The following OPHN1 variants were observed in gnomAD, a reference collection of about 807,000 sequenced individuals.
The protein encoded by OPHN1 is oligophrenin 1.
A neutral mutation model predicts 60.7 loss-of-function variants in OPHN1; 11 were observed. The observed-to-expected ratio is 0.18, with a 90% CI of 0.11 to 0.30. The LOEUF (loss-of-function observed/expected upper bound fraction) is 0.30. Among genes scored for constraint, OPHN1 ranks in the 10% least tolerant of loss-of-function variants. The probability of loss-of-function intolerance (pLI) is 1.00; values close to 1 mark genes in which losing one functional copy is unlikely to be tolerated. For synonymous variants in OPHN1, 226 were observed against 222.6 expected (o/e 1.02, Z -0.14); for missense variants, 449 against 611.0 (o/e 0.73, Z 2.80).
rs1346187459 is a variant in OPHN1 at position 68,044,339 on chromosome X, G to A, written c.*2833C>T. 2 of 112,435 alleles carry A rather than the reference G, an allele frequency of 1.8e-5. No individual in the cohort carries two copies. Among genetic ancestry groups the A allele is most frequent in the Non-Finnish European group, 3.8e-5 (2 of 53,280 alleles). The allele number at this position is 112,435 out of a possible 1,213,427, so 9.3% of individuals were successfully genotyped here. ...CAGTCCTTTTATTTACTTTCTATGT[G>A]CCCTTGAGTTGTTTACTTTAGCCCC... On this transcript the variant is annotated 3_prime_UTR_variant, in exon 25 of 25. Transcript: ENST00000355520.
At position 68,431,930 on chromosome X, in the gene OPHN1, T is replaced by A. The variant is rs183706714; in HGVS notation, c.154+937A>T. 3.6e-5 allele frequency among the ~76,000 whole-genome samples: 4 copies of A among 111,315 alleles called. No individual in the cohort carries two copies. The East Asian group carries it at 1.1e-3, about 32-fold the overall frequency. ...TTCAGCCAAGAGAAAAAATTAATTA[T>A]CACTCCACCCAATCATTACCCTCCA... On this transcript the variant is annotated intron_variant, in intron 2 of 24. Transcript: ENST00000355520.
intron 15 of OPHN1, among the ~76,000 whole-genome samples, chrX:68,136,305 T>G (rs1409148644): frequency 2.3e-5 from 2 of 86,581 alleles, no homozygotes; most frequent in East Asian, 3.2e-4. Flanking sequence ...TTTTTTTTTT[T>G]TTTTTTTTTT....
intron 2 of OPHN1, among the ~76,000 whole-genome samples, chrX:68,371,683 C>T (rs962095974): frequency 4.5e-5 from 5 of 112,143 alleles, no homozygotes; most frequent in African/African-American, 1.3e-4. Flanking sequence ...TGTGTCAATA[C>T]ACAAAACAAC....
Position 68,299,063 on chromosome X carries a change from G to A in OPHN1, c.188C>T (p.Thr63Met). Residue 63 changes from threonine (T) to methionine (M), a missense_variant, in exon 3 of 25, where the codon ACG becomes ATG. This residue lies in a region of OPHN1 where 99 missense variants were observed against 155.2 expected (regional missense o/e 0.64). Coordinates refer to ENST00000355520, the MANE Select transcript of OPHN1 (RefSeq NM_002547.3). ...GAAATCAAACTGAAATGACTGCAGC[G>A]TCTGGGAAAATTTCTGAACAGCAGA... ...YSSAVQKFSQ[T>M]LQSFQFDFIG... 3 of 1,192,227 alleles carry A rather than the reference G, an allele frequency of 2.5e-6. No homozygotes were observed. The highest frequency in any genetic ancestry group is 3.0e-5 in the East Asian group (1 of 33,094).
rs1427541584 is a variant in OPHN1, at chrX:68,045,957, T to C, written c.*1215A>G. 2.7e-5 allele frequency: 3 copies of C among 111,650 alleles called. No individual in the cohort carries two copies. Among genetic ancestry groups the C allele is most frequent in the African/African-American group, 9.8e-5 (3 of 30,726 alleles). 9.2% of individuals were successfully genotyped at this position (111,650 alleles called of 1,213,427 possible). On this transcript the variant is annotated 3_prime_UTR_variant, in exon 25 of 25. Transcript: ENST00000355520. Reference sequence around the variant, plus strand: ...TGATCACTACCTTGCTCTGCCTCAGTTCCCCCGACTGGAAACTGGGCAGTT... The same window carrying C: ...TGATCACTACCTTGCTCTGCCTCAGCTCCCCCGACTGGAAACTGGGCAGTT...
intron 2 of OPHN1, among the ~76,000 whole-genome samples, chrX:68,425,324 T>A (rs2078848635): frequency 8.9e-6 from 1 of 112,593 alleles, no homozygotes; most frequent in Admixed American, 9.4e-5. Context: ...AATTGGCTCC[T>A]AAAGTTTATG....
intron 2 of OPHN1, among the ~76,000 whole-genome samples, chrX:68,416,779 T>C (rs1209606539): frequency 8.9e-6 from 1 of 111,977 alleles, no homozygotes; most frequent in African/African-American, 3.2e-5. Flanking sequence ...CTTAAGGAAC[T>C]CAATGCCCTG....
chrX:68,134,199 C>CA (rs1271924237), intron 15 of OPHN1, among the ~76,000 whole-genome samples: 5 of 109,345 alleles, frequency 4.6e-5, no homozygotes, highest in African/African-American at 6.7e-5. Context: ...TAAATAAAAA[C>CA]AAAAAACAAA....
At chrX:68,166,448 C>A (rs185143149) in intron 15 of OPHN1, among the ~76,000 whole-genome samples, 1 of 111,320 alleles carries the variant, frequency 9.0e-6, no homozygotes, top group Admixed American at 9.6e-5. Flanking sequence ...GCAGAAGAAT[C>A]GCTTGAACCT....
At chrX:68,210,551 G>A (rs185020417) in intron 8 of OPHN1, among the ~76,000 whole-genome samples, 109 of 111,642 alleles carry the variant, frequency 9.8e-4, no homozygotes, top group African/African-American at 3.3e-3. Context: ...ATCACATAAG[G>A]CCCTAATAAA....
intron 5 of OPHN1, among the ~76,000 whole-genome samples, chrX:68,255,815 G>T (rs1422488125): frequency 9.1e-6 from 1 of 110,404 alleles, no homozygotes; most frequent in Non-Finnish European, 1.9e-5. Context: ...AATGATTTTT[G>T]ACTAAAAATA....
intron 2 of OPHN1, among the ~76,000 whole-genome samples, chrX:68,413,274 A>G (rs1002839900): frequency 4.5e-5 from 5 of 111,797 alleles, no homozygotes; most frequent in African/African-American, 6.5e-5. Flanking sequence ...ATTCTGTGAG[A>G]TGATTTATAC....
intron 22 of OPHN1, 108 bp from the exon 23 acceptor site, chrX:68,052,698 C>T: frequency 1.4e-6 from 1 of 697,616 alleles, no homozygotes; most frequent in East Asian, 3.5e-5. Flanking sequence ...ACACCAATGC[C>T]AGCCCCTGCC....
chrX:68,189,439 T>TATGTTAA (rs2077477916), intron 15 of OPHN1, among the ~76,000 whole-genome samples: 1 of 111,182 alleles, frequency 9.0e-6, no homozygotes, highest in Non-Finnish European at 1.9e-5. Flanking sequence ...ATGTGCCATC[T>TATGTTAA]TGGTGTGCTG....
At chrX:68,112,746 T>C (rs1220009122) in intron 17 of OPHN1, among the ~76,000 whole-genome samples, 1 of 112,109 alleles carries the variant, frequency 8.9e-6, no homozygotes, top group Non-Finnish European at 1.9e-5. Context: ...GAAAATGTGA[T>C]GCTGGCACTA....
At chrX:68,165,905 A>AT (rs2077356059) in intron 15 of OPHN1, among the ~76,000 whole-genome samples, 2 of 112,237 alleles carry the variant, frequency 1.8e-5, no homozygotes, top group South Asian at 7.4e-4. Flanking sequence ...AACTACATTT[A>AT]TAAGTTCATT....
chrX:68,272,202 T>G (rs945501422), intron 5 of OPHN1, among the ~76,000 whole-genome samples: 3 of 111,548 alleles, frequency 2.7e-5, no homozygotes, highest in African/African-American at 9.8e-5. Context: ...TTCTAGATAG[T>G]TTATTGGAGA....
chrX:68,250,307 A>C (rs1300582597), intron 5 of OPHN1, among the ~76,000 whole-genome samples: 1 of 112,700 alleles, frequency 8.9e-6, no homozygotes, highest in East Asian at 2.8e-4. Flanking sequence ...TTTCACGGAA[A>C]TAGAACTAAT....
At chrX:68,104,801 T>C (rs938556182) in intron 18 of OPHN1, among the ~76,000 whole-genome samples, 4 of 111,719 alleles carry the variant, frequency 3.6e-5, no homozygotes, top group Admixed American at 2.8e-4. Flanking sequence ...AAAGTCAAAA[T>C]TGACAAAGGG....
Sources: allele counts gnomAD v4.1 joint callset (sites outside exome capture counted in the v4.1 genomes callset), GRCh38; gene constraint gnomAD v4.1.1; regional missense constraint gnomAD v4.1.1; transcripts MANE v1.5; gene names NCBI Gene and HGNC (gene_info 2026-07-23, HGNC 2026-07-21).